The following AGMO variants were observed in gnomAD, a reference collection of about 807,000 sequenced individuals.
The protein encoded by AGMO is alkylglycerol monooxygenase, also known as glyceryl-ether monooxygenase.
In AGMO, 75 loss-of-function variants were observed where a neutral mutation model predicts 60.2. The ratio of observed to expected loss-of-function variants is 1.25; its 90% CI spans 1.03 to 1.51. The LOEUF is 1.51. Ranked by LOEUF, AGMO falls within the 40% of genes most tolerant of loss-of-function variation. The pLI is 0.00. For synonymous variants in AGMO, 261 were observed against 177.1 expected (o/e 1.47, Z -3.76); for missense variants, 763 against 525.5 (o/e 1.45, Z -4.42).
chr7:15,347,980 A>G (rs1425194680), intron 12 of AGMO, among the ~76,000 whole-genome samples: 2 of 152,046 alleles, frequency 1.3e-5, no homozygotes, highest in South Asian at 4.1e-4. Context: ...CTCTTACTAA[A>G]TATAGTTTAC....
chr7:15,237,981 C>G (rs1782478564), intron 12 of AGMO, among the ~76,000 whole-genome samples: 1 of 152,012 alleles, frequency 6.6e-6, no homozygotes, highest in African/African-American at 2.4e-5. Flanking sequence ...AAGGTAGAAG[C>G]CTAACTTTGA....
chr7:15,284,870 A>T (rs1489729903), intron 12 of AGMO, among the ~76,000 whole-genome samples: 1 of 152,088 alleles, frequency 6.6e-6, no homozygotes, highest in Non-Finnish European at 1.5e-5. Flanking sequence ...CATCAAAAAG[A>T]TAATAAATCA....
intron 3 of AGMO, among the ~76,000 whole-genome samples, chr7:15,497,624 G>A (rs1783267506): frequency 6.6e-6 from 1 of 151,950 alleles, no homozygotes. Context: ...GTGTGTGCAT[G>A]CACCTTTAGT....
chr7:15,241,459 CAAAAAAAAAAAAAAAA>C (rs61727790), intron 12 of AGMO, among the ~76,000 whole-genome samples: 28 of 51,360 alleles, frequency 5.5e-4, no homozygotes, highest in African/African-American at 1.1e-3. Flanking sequence ...GACTCCGTCT[CAAAAAAAAAAAAAAAA>C]AAAAAAAAAA....
chr7:15,275,262 A>T (rs1187243213), intron 12 of AGMO, among the ~76,000 whole-genome samples: 1 of 152,086 alleles, frequency 6.6e-6, no homozygotes, highest in Non-Finnish European at 1.5e-5. Context: ...CTCCTCATTC[A>T]AGATTTTTTT....
rs551522559 is a variant in AGMO at position 15,338,220 on chromosome 7, C to T, written c.1263+27294G>A. 2.6e-4 allele frequency among the ~76,000 whole-genome samples: 40 copies of T among 152,120 alleles called. No homozygotes were observed. The South Asian group carries it at 8.1e-3, about 31-fold the overall frequency. ...CATTTTAAAATATACAACTCAGTGG[C>T]ATTTAGTATATTCATGTTACAAGAC... On this transcript the variant is annotated intron_variant, in intron 12 of 12. Transcript: ENST00000342526.
At chr7:15,263,319 A>G (rs1783331867) in intron 12 of AGMO, among the ~76,000 whole-genome samples, 1 of 152,012 alleles carries the variant, frequency 6.6e-6, no homozygotes, top group Admixed American at 6.6e-5. Context: ...ACAAACATAT[A>G]GAAAAAAAAT....
chr7:15,380,227 A>G (rs776524987), intron 10 of AGMO, among the ~76,000 whole-genome samples: 8 of 152,126 alleles, frequency 5.3e-5, no homozygotes, highest in Admixed American at 2.6e-4. Context: ...AACTATCCCT[A>G]TTTGCAGACG....
At chr7:15,470,182 TAA>T (rs1159401564) in intron 3 of AGMO, among the ~76,000 whole-genome samples, 1 of 151,986 alleles carries the variant, frequency 6.6e-6, no homozygotes, top group Non-Finnish European at 1.5e-5. Context: ...AGAGTTGAAG[TAA>T]AGAGATAAAA....
chr7:15,470,203 G>A (rs944325076), intron 3 of AGMO, among the ~76,000 whole-genome samples: 1 of 151,852 alleles, frequency 6.6e-6, no homozygotes, highest in Non-Finnish European at 1.5e-5. Flanking sequence ...AATAATATCT[G>A]GAAATATGCT....
intron 12 of AGMO, among the ~76,000 whole-genome samples, chr7:15,283,458 T>C (rs2128519510): frequency 6.6e-6 from 1 of 151,732 alleles, no homozygotes; most frequent in Non-Finnish European, 1.5e-5. Context: ...CAAAAAGACA[T>C]GGAAGAAACA....
chr7:15,198,196 C>CGAGAGAGAGAGA (rs748392069), downstream of AGMO, among the ~76,000 whole-genome samples: 91 of 77,372 alleles, frequency 1.2e-3, 5 homozygotes, highest in East Asian at 3.0e-3. Flanking sequence ...AGGGCTTTCC[C>CGAGAGAGAGAGA]GAGAGAGAGA....
the AGMO span, among the ~76,000 whole-genome samples, chr7:15,153,385 C>T: frequency 1.3e-5 from 2 of 151,950 alleles, no homozygotes; most frequent in African/African-American, 2.4e-5. Flanking sequence ...GTTGCATTTG[C>T]TTTTGTGTTT....
chr7:15,191,968 C>T, the AGMO span, among the ~76,000 whole-genome samples: 1 of 65,538 alleles, frequency 1.5e-5, no homozygotes, highest in African/African-American at 5.9e-5. Flanking sequence ...CCCTCTGTCT[C>T]TCTCTCACAC....
intron 12 of AGMO, among the ~76,000 whole-genome samples, chr7:15,363,749 A>G (rs1366454988): frequency 2.0e-5 from 3 of 152,262 alleles, no homozygotes; most frequent in African/African-American, 2.4e-5. Flanking sequence ...ACATTCCCAC[A>G]TATTTACAAC....
At chr7:15,437,397 C>T (rs1366910964) in intron 3 of AGMO, among the ~76,000 whole-genome samples, 1 of 152,058 alleles carries the variant, frequency 6.6e-6, no homozygotes, top group Non-Finnish European at 1.5e-5. Flanking sequence ...CTAAAACTAC[C>T]AAATTAATTA....
downstream of AGMO, among the ~76,000 whole-genome samples, chr7:15,198,513 C>T (rs1367728489): frequency 6.6e-6 from 1 of 152,062 alleles, no homozygotes; most frequent in African/African-American, 2.4e-5. Context: ...AGGACAGAGC[C>T]GATTTATCAA....
At chr7:15,493,140 G>A (rs1024077521) in intron 3 of AGMO, among the ~76,000 whole-genome samples, 1 of 152,028 alleles carries the variant, frequency 6.6e-6, no homozygotes, top group Non-Finnish European at 1.5e-5. Context: ...GTTTATATCA[G>A]TGCTTTATTT....
intron 12 of AGMO, among the ~76,000 whole-genome samples, chr7:15,320,168 G>C (rs1406050718): frequency 6.6e-6 from 1 of 151,946 alleles, no homozygotes; most frequent in Non-Finnish European, 1.5e-5. Flanking sequence ...TGTAAATGAC[G>C]AGTTAATGGG....
Sources: allele counts gnomAD v4.1 joint callset (sites outside exome capture counted in the v4.1 genomes callset), GRCh38; gene constraint gnomAD v4.1.1; transcripts MANE v1.5; gene names NCBI Gene and HGNC (gene_info 2026-07-23, HGNC 2026-07-21).